WIPI2: variants seen among roughly 807,000 people sequenced by gnomAD.
WIPI2 encodes WD repeat domain, phosphoinositide interacting 2.
WIPI2 carries 28 observed loss-of-function variants against 52.3 expected under a neutral mutation model. The observed-to-expected ratio is 0.54, with a 90% CI of 0.40 to 0.73. The LOEUF (loss-of-function observed/expected upper bound fraction) is 0.73, where lower values mean the gene tolerates loss of function less well. Among genes scored for constraint, WIPI2 ranks in the 30% least tolerant of loss-of-function variants. WIPI2 has a pLI of 0.00. For missense variants in WIPI2, 506 were observed against 602.9 expected, an observed-to-expected ratio of 0.84 and a Z score of 1.68; for synonymous variants, 268 against 245.0, an observed-to-expected ratio of 1.09 and a Z score of -0.88.
chr7:5,211,936 C>T (rs542967220), intron 3 of WIPI2, among the ~76,000 whole-genome samples: 88 of 152,326 alleles, frequency 5.8e-4, no homozygotes, highest in African/African-American at 1.9e-3. Flanking sequence ...TGTTAGGACG[C>T]GTGCCGCTGA....
At chr7:5,194,666 G>A (rs1781655355) in intron 2 of WIPI2, among the ~76,000 whole-genome samples, 2 of 152,080 alleles carry the variant, frequency 1.3e-5, no homozygotes, top group African/African-American at 2.4e-5. Context: ...GTAGAGATGG[G>A]GTTTCACTTT....
rs1403477840 is a variant in WIPI2, at chr7:5,190,288, C to T, written c.-132C>T. The T allele has an allele frequency of 1.8e-5, 8 of 452,206 alleles. No homozygotes were observed. The highest frequency in any genetic ancestry group is 1.0e-4 in the East Asian group (2 of 19,502). The allele number at this position is 452,206 out of a possible 1,614,324, so 28.0% of individuals were successfully genotyped here. ...CAAGAGCGGGGACGGGATGAGGCGGCGGTTGATCCCAGGGTGGCGAGTGGC... is the reference window on the plus strand; with the variant it reads ...CAAGAGCGGGGACGGGATGAGGCGGTGGTTGATCCCAGGGTGGCGAGTGGC... On this transcript the variant is annotated 5_prime_UTR_variant, in exon 1 of 13. Coordinates refer to ENST00000288828, the MANE Select transcript of WIPI2 (RefSeq NM_015610.4).
Position 5,232,365 on chromosome 7 carries a change from T to G in WIPI2, c.*1418T>G. 2.5e-6 allele frequency: 1 copy of G among 398,622 alleles called. No individual in the cohort carries two copies. Among genetic ancestry groups the G allele is most frequent in the Non-Finnish European group, 4.4e-6 (1 of 226,080 alleles). 24.7% of individuals were successfully genotyped at this position (398,622 alleles called of 1,614,324 possible). Reference sequence around the variant, plus strand: ...GTGAAATGCCCCAGTGTTCCTGGGTTGGCTTTACGGCAAACTAAATGCAGG... The same window carrying G: ...GTGAAATGCCCCAGTGTTCCTGGGTGGGCTTTACGGCAAACTAAATGCAGG... On this transcript the variant is annotated 3_prime_UTR_variant, in exon 13 of 13. Transcript: ENST00000288828.
At chr7:5,204,723 G>C (rs1443536561) in intron 3 of WIPI2, among the ~76,000 whole-genome samples, 1 of 151,454 alleles carries the variant, frequency 6.6e-6, no homozygotes, top group Non-Finnish European at 1.5e-5. Context: ...ACAGGGTCTC[G>C]CTCTGTCACT....
At chr7:5,193,061 T>G in intron 1 of WIPI2, 57 bp from the exon 2 acceptor site, 3 of 1,538,732 alleles carry the variant, frequency 1.9e-6, no homozygotes, top group Non-Finnish European at 2.7e-6. Flanking sequence ...AAAGTGTGCA[T>G]AAGTTTTATT....
rs528197140 is a variant in WIPI2 at position 5,202,255 on chromosome 7, TCA to T, written c.211+2610_211+2611del. Among the ~76,000 whole-genome samples the T allele has an allele frequency of 5.3e-4, 80 of 152,140 alleles. No individual in the cohort carries two copies. In the South Asian group the frequency reaches 6.9e-3, roughly 13 times the overall value. On this transcript the variant is annotated intron_variant, in intron 3 of 12. Coordinates refer to ENST00000288828, the MANE Select transcript of WIPI2 (RefSeq NM_015610.4). ...CTTTTGTTTACTTAGAAAAGAAAAT[TCA>T]CACACACACACAAAAGCTTGGTCTA...
chr7:5,218,332 A>G (rs930223467), intron 7 of WIPI2: 1 of 257,038 alleles, frequency 3.9e-6, no homozygotes, highest in Non-Finnish European at 7.6e-6. Flanking sequence ...ACATAACAGT[A>G]AAGAACCCAG....
At chr7:5,229,762 G>C in intron 12 of WIPI2, 24 bp downstream of exon 12, 1 of 1,612,534 alleles carries the variant, frequency 6.2e-7, no homozygotes, top group Non-Finnish European at 8.5e-7. Context: ...CGCAAACCTG[G>C]AAGGTAATTA....
chr7:5,206,069 A>G (rs919399775), intron 3 of WIPI2, among the ~76,000 whole-genome samples: 18 of 151,656 alleles, frequency 1.2e-4, no homozygotes, highest in Admixed American at 3.9e-4. Context: ...TTGAATTTCT[A>G]TGTATTCAAA....
rs1052228617 is a variant in WIPI2 at position 5,227,601 on chromosome 7, A to G, written c.1013+257A>G. ...GGTATTAATGAAAGACGTTAAGTCA[A>G]ACCTCGTGAGTGTGCCGTAGTTAAC... On this transcript the variant is annotated intron_variant, in intron 10 of 12. Coordinates refer to ENST00000288828, the MANE Select transcript of WIPI2 (RefSeq NM_015610.4). This position sits in a 1 kb window ranked among gnomAD's most constrained non-coding sequence, Gnocchi z 8.1. Among the ~76,000 whole-genome samples the G allele has an allele frequency of 1.3e-5, 2 of 152,232 alleles. No individual in the cohort carries two copies. The highest frequency in any genetic ancestry group is 2.4e-5 in the African/African-American group (1 of 41,448).
intron 5 of WIPI2, 120 bp downstream of exon 5, chr7:5,216,779 T>C (rs977693532): frequency 1.3e-5 from 13 of 1,012,452 alleles, no homozygotes; most frequent in East Asian, 2.6e-5. Flanking sequence ...TTTAAAAGTA[T>C]TGATCCCAAA....
intron 3 of WIPI2, 157 bp from the exon 4 acceptor site, chr7:5,214,378 C>T (rs780878606): frequency 4.7e-5 from 76 of 1,600,918 alleles, no homozygotes; most frequent in South Asian, 4.7e-4. Flanking sequence ...CTCAGACCCC[C>T]GGGCTGTCCC....
Position 5,190,360 on chromosome 7 carries a change from C to A in WIPI2, c.-60C>A. On this transcript the variant is annotated 5_prime_UTR_variant, in exon 1 of 13. Transcript: ENST00000288828. ...GGCCCGGCGCCGACCCTGAGTGCAG[C>A]CTGACCCGCCCTCGCGCGCGCGCCC... 1 of 1,252,558 alleles carries A rather than the reference C, an allele frequency of 8.0e-7. No homozygotes were observed. Among genetic ancestry groups the A allele is most frequent in the Non-Finnish European group, 1.0e-6 (1 of 980,716 alleles). The allele number at this position is 1,252,558 out of a possible 1,614,324, so 77.6% of individuals were successfully genotyped here.
intron 3 of WIPI2, among the ~76,000 whole-genome samples, chr7:5,207,034 C>T (rs749028028): frequency 1.6e-4 from 25 of 152,270 alleles, no homozygotes; most frequent in South Asian, 6.2e-4. Flanking sequence ...ATCAGCCTCC[C>T]AGAGTGCTGA....
Position 5,232,643 on chromosome 7 carries a change from A to C in WIPI2, c.*1696A>C. The C allele has an allele frequency of 4.1e-6, 1 of 243,056 alleles. No individual in the cohort carries two copies. Among genetic ancestry groups the C allele is most frequent in the Non-Finnish European group, 7.8e-6 (1 of 127,622 alleles). 15.1% of individuals were successfully genotyped at this position (243,056 alleles called of 1,614,324 possible). On this transcript the variant is annotated 3_prime_UTR_variant, in exon 13 of 13. Transcript: ENST00000288828. ...CCGCGGCAGCACGCAGCCTTGACCC[A>C]CGCCTGCGTCTTGTGGTGCAAGGCC...
At chr7:5,206,866 C>T (rs1304620310) in intron 3 of WIPI2, among the ~76,000 whole-genome samples, 1 of 152,208 alleles carries the variant, frequency 6.6e-6, no homozygotes, top group Admixed American at 6.5e-5. Flanking sequence ...CAGCTTTGAC[C>T]TCTGGGGCTC....
chr7:5,190,661 C>T (rs1781432563), intron 1 of WIPI2, 168 bp downstream of exon 1: 2 of 553,500 alleles, frequency 3.6e-6, no homozygotes, highest in African/African-American at 2.0e-5. Context: ...GGGAGGGGCG[C>T]CCTCCAGGGA....
intron 7 of WIPI2, among the ~76,000 whole-genome samples, chr7:5,219,835 G>GTT (rs112254073): frequency 1.2e-4 from 17 of 144,584 alleles, no homozygotes; most frequent in African/African-American, 2.5e-4. Context: ...TCAAGTACCA[G>GTT]TTTTTTTTTT....
intron 11 of WIPI2, 21 bp from the exon 12 acceptor site, chr7:5,229,587 G>C: frequency 6.2e-7 from 1 of 1,609,764 alleles, no homozygotes; most frequent in Non-Finnish European, 8.5e-7. Flanking sequence ...ACGCTGAGCT[G>C]TGTCGCTTTC....
Sources: allele counts gnomAD v4.1 joint callset (sites outside exome capture counted in the v4.1 genomes callset), GRCh38; gene constraint gnomAD v4.1.1; non-coding constraint Gnocchi (gnomAD v3.1); transcripts MANE v1.5; gene names NCBI Gene and HGNC (gene_info 2026-07-23, HGNC 2026-07-21).